The following C1orf159 variants were observed in gnomAD, a reference collection of about 807,000 sequenced individuals.
C1orf159 encodes chromosome 1 open reading frame 159, also known as uncharacterized protein C1orf159.
A neutral mutation model predicts 25.6 loss-of-function variants in C1orf159; 19 were observed. That is an observed-to-expected ratio of 0.74 (90% confidence interval 0.52 to 1.09). The LOEUF is 1.09. C1orf159 is among the 50% of genes least tolerant of loss of function. The probability of loss-of-function intolerance (pLI) is 0.00; values close to 1 mark genes in which losing one functional copy is unlikely to be tolerated. For synonymous variants in C1orf159, 139 were observed against 124.7 expected, an observed-to-expected ratio of 1.12 and a Z score of -0.77; for missense variants, 274 against 290.6, an observed-to-expected ratio of 0.94 and a Z score of 0.42.
At chr1:1,111,545 C>A (rs1008903489) in intron 1 of C1orf159, among the ~76,000 whole-genome samples, 2 of 152,058 alleles carry the variant, frequency 1.3e-5, no homozygotes, top group African/African-American at 4.8e-5. Flanking sequence ...ACAACAACAA[C>A]AAAGAACTGG....
At chr1:1,085,812 A>C (rs1645819140) in intron 7 of C1orf159, 66 bp downstream of exon 7, 1 of 1,583,092 alleles carries the variant, frequency 6.3e-7, no homozygotes, top group Non-Finnish European at 8.6e-7. Flanking sequence ...TCTCAGGCCC[A>C]TCTCCACGGC....
At chr1:1,113,486 G>T (rs1321925538) in intron 1 of C1orf159, among the ~76,000 whole-genome samples, 1 of 152,134 alleles carries the variant, frequency 6.6e-6, no homozygotes, top group Non-Finnish European at 1.5e-5. Context: ...TCCACCTCCG[G>T]GGCTGAAGCG....
Position 1,089,618 on chromosome 1 carries a change from C to T in C1orf159, c.148+735G>A, listed in dbSNP as rs1184907462. Among the ~76,000 whole-genome samples the T allele has an allele frequency of 2.6e-5, 4 of 152,158 alleles. No individual in the cohort carries two copies. Among genetic ancestry groups the T allele is most frequent in the Non-Finnish European group, 5.9e-5 (4 of 68,010 alleles). On this transcript the variant is annotated intron_variant, in intron 4 of 9. Coordinates refer to ENST00000421241, the MANE Select transcript of C1orf159 (RefSeq NM_017891.5). This position sits in a 1 kb window ranked among gnomAD's most constrained non-coding sequence, Gnocchi z 7.5. ...CGCCCTCCTCACGAGGCCCCTGAGT[C>T]CCCAGGAGCAGCCCTTCTGGGTTCT...
intron 2 of C1orf159, 200 bp downstream of exon 2, chr1:1,091,791 G>A (rs561448629): frequency 9.7e-5 from 45 of 465,764 alleles, no homozygotes; most frequent in South Asian, 7.2e-4. Flanking sequence ...GCGGGGCTGT[G>A]GCAGGGAGGG....
chr1:1,111,352 A>T (rs1646254022), intron 1 of C1orf159, among the ~76,000 whole-genome samples: 1 of 141,808 alleles, frequency 7.1e-6, no homozygotes, highest in Non-Finnish European at 1.5e-5. Flanking sequence ...ACAGAGTGAG[A>T]TCTCATCTCT....
At chr1:1,091,154 A>G (rs1228040561) in intron 3 of C1orf159, 1 of 624,230 alleles carries the variant, frequency 1.6e-6, no homozygotes, top group Non-Finnish European at 2.8e-6. Context: ...CCGCAGCTAC[A>G]CTCCCCGATA....
rs1180672357 is a variant in C1orf159, at chr1:1,110,036, G to A, written c.-136+6024C>T. On this transcript the variant is annotated intron_variant, in intron 1 of 9. Coordinates refer to ENST00000421241, the MANE Select transcript of C1orf159 (RefSeq NM_017891.5). The surrounding 1 kb of genome is among the most constrained non-coding windows in gnomAD (Gnocchi z 4.8). Reference sequence around the variant, plus strand: ...CAGGCCAGTGCCTGCTTAACTGCTAGAGGAAAAGAAAACCCAAGCCTTATT... The same window carrying A: ...CAGGCCAGTGCCTGCTTAACTGCTAAAGGAAAAGAAAACCCAAGCCTTATT... 2.6e-5 allele frequency among the ~76,000 whole-genome samples: 4 copies of A among 152,258 alleles called. No individual in the cohort carries two copies. The highest frequency in any genetic ancestry group is 9.6e-5 in the African/African-American group (4 of 41,474).
intron 1 of C1orf159, among the ~76,000 whole-genome samples, chr1:1,100,396 C>CAG (rs1646083717): frequency 6.6e-6 from 1 of 152,098 alleles, no homozygotes; most frequent in Non-Finnish European, 1.5e-5. Context: ...CAAAATTGAG[C>CAG]AGTTAAGTAC....
chr1:1,101,618 G>C (rs960034888), intron 1 of C1orf159, among the ~76,000 whole-genome samples: 1 of 151,966 alleles, frequency 6.6e-6, no homozygotes, highest in Non-Finnish European at 1.5e-5. Flanking sequence ...TATTGGCTCA[G>C]GGTCCGTCGG....
chr1:1,097,452 G>T (rs539604358), intron 1 of C1orf159, among the ~76,000 whole-genome samples: 1 of 151,760 alleles, frequency 6.6e-6, no homozygotes, highest in Non-Finnish European at 1.5e-5. Context: ...TCTCTCTGTC[G>T]CCTGGGCTGG....
intron 6 of C1orf159, among the ~76,000 whole-genome samples, chr1:1,086,258 G>A (rs1162941744): frequency 6.6e-6 from 1 of 152,270 alleles, no homozygotes; most frequent in Non-Finnish European, 1.5e-5. Flanking sequence ...GCTTCTCTCA[G>A]GAGCTCGGAT....
At position 1,083,872 on chromosome 1, in the gene C1orf159, C is replaced by G. The variant is rs368521072; in HGVS notation, c.502+481G>C. 594 of 1,518,950 alleles carry G rather than the reference C, an allele frequency of 3.9e-4. 5 individuals are homozygous for G. The East Asian group carries it at 8.3e-3, about 21-fold the overall frequency. The allele number at this position is 1,518,950 out of a possible 1,614,324, so 94.1% of individuals were successfully genotyped here. A position where few individuals can be genotyped will look rare whatever the true frequency, so the allele number is the denominator to read the frequency against. On this transcript the variant is annotated intron_variant, in intron 9 of 9. Coordinates refer to ENST00000421241, the MANE Select transcript of C1orf159 (RefSeq NM_017891.5). ...GAGCTGTGTGGCTGTGCGCCGGTCA[C>G]TCAGCCTGTGTCTGTGGCCCCGCAC...
chr1:1,090,570 C>CCT, intron 3 of C1orf159, 142 bp from the exon 4 acceptor site: 2 of 874,800 alleles, frequency 2.3e-6, no homozygotes, highest in Non-Finnish European at 1.8e-6. Context: ...ATCGGGTGGC[C>CCT]CTCTGTCCCC....
intron 1 of C1orf159, among the ~76,000 whole-genome samples, chr1:1,093,406 G>A (rs903318679): frequency 1.3e-5 from 2 of 152,150 alleles, no homozygotes. Context: ...AACCACATCC[G>A]TGTAAAGTAC....
intron 1 of C1orf159, among the ~76,000 whole-genome samples, chr1:1,096,599 T>C (rs1646012201): frequency 1.3e-5 from 2 of 152,266 alleles, no homozygotes; most frequent in African/African-American, 4.8e-5. Context: ...TCTCCGGTAA[T>C]TAATTCAATT....
At chr1:1,092,418 C>T (rs1005737709) in intron 1 of C1orf159, 5 of 160,264 alleles carry the variant, frequency 3.1e-5, no homozygotes, top group Non-Finnish European at 6.9e-5. Context: ...CCGGTCCTCC[C>T]GCACAAACCC....
At chr1:1,104,436 GA>G (rs1205065516) in intron 1 of C1orf159, among the ~76,000 whole-genome samples, 1 of 152,210 alleles carries the variant, frequency 6.6e-6, no homozygotes, top group African/African-American at 2.4e-5. Flanking sequence ...CCACTCTCCA[GA>G]GCCCTCAGGG....
Position 1,082,870 on chromosome 1 carries a change from G to A in C1orf159, c.*23C>T, listed in dbSNP as rs1158075207. Reference sequence around the variant, plus strand: ...CCTCCGGGTCCCTGCCGCCAAGTGCGTGGCGTGGTCTCGGCCTCCAGGTCA... The same window carrying A: ...CCTCCGGGTCCCTGCCGCCAAGTGCATGGCGTGGTCTCGGCCTCCAGGTCA... On this transcript the variant is annotated 3_prime_UTR_variant, in exon 10 of 10. Coordinates refer to ENST00000421241, the MANE Select transcript of C1orf159 (RefSeq NM_017891.5). 7.7e-6 allele frequency: 12 copies of A among 1,559,754 alleles called. No homozygotes were observed. In the African/African-American group the frequency reaches 8.1e-5, roughly 11 times the overall value.
At chr1:1,096,115 G>C (rs1268472742) in intron 1 of C1orf159, among the ~76,000 whole-genome samples, 1 of 152,104 alleles carries the variant, frequency 6.6e-6, no homozygotes, top group Non-Finnish European at 1.5e-5. Context: ...GAAGGATAGT[G>C]GTCTATAATT....
Sources: gnomAD v4.1 joint callset for allele counts (sites outside exome capture counted in the v4.1 genomes callset) on GRCh38, gnomAD v4.1.1 for gene constraint, Gnocchi (gnomAD v3.1) non-coding constraint, MANE v1.5 for transcripts, NCBI Gene and HGNC (gene_info 2026-07-23, HGNC 2026-07-21) for gene names.